The following TMEM132B variants were observed in gnomAD, a reference collection of about 807,000 sequenced individuals.
TMEM132B encodes the protein transmembrane protein 132B.
A neutral mutation model predicts 90.8 loss-of-function variants in TMEM132B; 18 were observed. The observed-to-expected ratio is 0.20, with a 90% CI of 0.14 to 0.29. The LOEUF is 0.29. Ranked by LOEUF, TMEM132B falls within the 10% of genes least tolerant of loss-of-function variation. The pLI, the probability that TMEM132B is intolerant of heterozygous loss-of-function variation, is 1.00. For synonymous variants in TMEM132B, 504 were observed against 523.3 expected (o/e 0.96, Z 0.50); for missense variants, 1,096 against 1,326.8 (o/e 0.83, Z 2.70).
At chr12:125,609,897 T>G (rs1395259059) in intron 5 of TMEM132B, among the ~76,000 whole-genome samples, 1 of 151,356 alleles carries the variant, frequency 6.6e-6, no homozygotes, top group African/African-American at 2.4e-5. Context: ...CATTTGCTTA[T>G]GTATTCTTTC....
intron 5 of TMEM132B, 101 bp downstream of exon 5, chr12:125,584,095 T>TA: frequency 6.5e-7 from 1 of 1,549,930 alleles, no homozygotes; most frequent in Non-Finnish European, 8.9e-7. Flanking sequence ...TCCCATGCTC[T>TA]AAAGGGCTGG....
intron 4 of TMEM132B, among the ~76,000 whole-genome samples, chr12:125,555,625 A>G (rs944250421): frequency 1.3e-5 from 2 of 151,086 alleles, no homozygotes; most frequent in Non-Finnish European, 3.0e-5. Context: ...ATGACGAGTT[A>G]ATGGGTGCAG....
At chr12:125,581,326 T>G (rs1885048167) in intron 4 of TMEM132B, among the ~76,000 whole-genome samples, 1 of 152,222 alleles carries the variant, frequency 6.6e-6, no homozygotes. Context: ...TCAAACTAAC[T>G]TTAGTAAAAC....
At chr12:125,238,972 A>G (rs1317895364) in intron 1 of TMEM132B, among the ~76,000 whole-genome samples, 1 of 152,164 alleles carries the variant, frequency 6.6e-6, no homozygotes, top group Non-Finnish European at 1.5e-5. Context: ...CAAAAGATTT[A>G]CATTCTCTAG....
At chr12:125,322,170 T>C (rs1468470146) in intron 1 of TMEM132B, among the ~76,000 whole-genome samples, 12 of 152,164 alleles carry the variant, frequency 7.9e-5, no homozygotes, top group Non-Finnish European at 1.6e-4. Flanking sequence ...AATTGAATCA[T>C]GGGGCTGGGT....
intron 5 of TMEM132B, among the ~76,000 whole-genome samples, chr12:125,589,501 A>G (rs1593008822): frequency 6.6e-6 from 1 of 151,610 alleles, no homozygotes; most frequent in Non-Finnish European, 1.5e-5. Context: ...AAAAAAAAAA[A>G]AAAAAGAAAT....
At position 125,658,337 on chromosome 12, in the gene TMEM132B, A is replaced by G. The variant is rs192254415; in HGVS notation, c.*3627A>G. The G allele has an allele frequency of 5.3e-5, 8 of 152,352 alleles. No individual in the cohort carries two copies. In the East Asian group the frequency reaches 1.2e-3, roughly 22 times the overall value. The allele number at this position is 152,352 out of a possible 1,614,324, so 9.4% of individuals were successfully genotyped here. The stretch of plus-strand genomic sequence containing the variant: ...CATTATTTTAGAAAGGGGTCTTCCC[A>G]TTACTGGGATGTCGGGGCCCTGTCA... On this transcript the variant is annotated 3_prime_UTR_variant, in exon 9 of 9. Coordinates refer to ENST00000682704, the MANE Select transcript of TMEM132B (RefSeq NM_001366854.1).
chr12:125,243,077 A>G (rs1187778377), intron 1 of TMEM132B, among the ~76,000 whole-genome samples: 1 of 143,782 alleles, frequency 7.0e-6, no homozygotes, highest in African/African-American at 2.6e-5. Context: ...ACACATATAC[A>G]TATATACACA....
chr12:125,307,963 T>A (rs1876033170), intron 1 of TMEM132B, among the ~76,000 whole-genome samples: 1 of 135,428 alleles, frequency 7.4e-6, no homozygotes, highest in Admixed American at 7.7e-5. Context: ...ATATATATAT[T>A]AAGTAATATA....
intron 4 of TMEM132B, among the ~76,000 whole-genome samples, chr12:125,520,395 A>T (rs1883278375): frequency 6.6e-6 from 1 of 152,176 alleles, no homozygotes; most frequent in Non-Finnish European, 1.5e-5. Context: ...ATGTCCAGAT[A>T]CTCTAGAAAA....
chr12:125,513,178 C>T (rs1398065240), intron 3 of TMEM132B, among the ~76,000 whole-genome samples: 1 of 152,204 alleles, frequency 6.6e-6, no homozygotes, highest in Non-Finnish European at 1.5e-5. Context: ...GCACATGCTC[C>T]TCTGAGACCC....
At chr12:125,295,500 C>CTGTGTGTGTGTGTGTGTG (rs149003076) in intron 1 of TMEM132B, among the ~76,000 whole-genome samples, 1 of 143,430 alleles carries the variant, frequency 7.0e-6, no homozygotes, top group South Asian at 2.4e-4. Context: ...TCCATGAAAC[C>CTGTGTGTGTGTGTGTGTG]TGTGTGTGTG....
chr12:125,629,928 T>G (rs1886320893), intron 5 of TMEM132B, among the ~76,000 whole-genome samples: 1 of 152,190 alleles, frequency 6.6e-6, no homozygotes, highest in Non-Finnish European at 1.5e-5. Context: ...TCTGTTGACA[T>G]GATGTATCAC....
intron 1 of TMEM132B, among the ~76,000 whole-genome samples, chr12:125,348,100 GT>G (rs200127519): frequency 6.7e-6 from 1 of 149,932 alleles, no homozygotes; most frequent in African/African-American, 2.5e-5. Context: ...TTTGATTTTT[GT>G]TTTTTTTACA....
At chr12:125,502,410 AG>A (rs1882724115) in intron 3 of TMEM132B, among the ~76,000 whole-genome samples, 2 of 152,248 alleles carry the variant, frequency 1.3e-5, no homozygotes, top group South Asian at 4.1e-4. Context: ...ACAGTGCCTC[AG>A]ATGGCTGAAG....
chr12:125,505,571 T>G (rs947350903), intron 3 of TMEM132B, among the ~76,000 whole-genome samples: 4 of 151,862 alleles, frequency 2.6e-5, no homozygotes, highest in Non-Finnish European at 5.9e-5. Context: ...TGGTGGTGCA[T>G]GCCTGTAATC....
chr12:125,634,396 A>T (rs1886434755), intron 5 of TMEM132B, among the ~76,000 whole-genome samples: 1 of 152,198 alleles, frequency 6.6e-6, no homozygotes. Context: ...TGAGGGCCCC[A>T]AGAGCCCACT....
At chr12:125,443,688 T>C (rs906054795) in intron 3 of TMEM132B, among the ~76,000 whole-genome samples, 2 of 152,238 alleles carry the variant, frequency 1.3e-5, no homozygotes, top group South Asian at 2.1e-4. Context: ...TAATTAAACA[T>C]TTACAAGGAA....
rs1355558611 is a variant in TMEM132B at position 125,579,129 on chromosome 12, A to G, written c.1294-4722A>G. On this transcript the variant is annotated intron_variant, in intron 4 of 8. Transcript: ENST00000682704. ...AAATCTCTGATGCTGTATTTATACT[A>G]TTTTTGTTCATTCTATTTTCTTTAT... 3.9e-5 allele frequency among the ~76,000 whole-genome samples: 6 copies of G among 152,062 alleles called. No homozygotes were observed. The South Asian group carries it at 8.3e-4, about 21-fold the overall frequency.
Sources: gnomAD v4.1 joint callset for allele counts (sites outside exome capture counted in the v4.1 genomes callset) on GRCh38, gnomAD v4.1.1 for gene constraint, MANE v1.5 for transcripts, NCBI Gene and HGNC (gene_info 2026-07-23, HGNC 2026-07-21) for gene names.